Variants in COG2 observed in about 807,000 individuals in gnomAD.
The protein encoded by COG2 is conserved oligomeric Golgi complex subunit 2.
A neutral mutation model predicts 90.6 loss-of-function variants in COG2; 52 were observed. The observed-to-expected ratio is 0.57, with a 90% CI of 0.46 to 0.72. COG2 has a LOEUF of 0.72. COG2 is among the 30% of genes least tolerant of loss of function. COG2 has a pLI of 0.00. For synonymous variants in COG2, 337 were observed against 320.4 expected, an observed-to-expected ratio of 1.05 and a Z score of -0.55; for missense variants, 829 against 891.2, an observed-to-expected ratio of 0.93 and a Z score of 0.89.
intron 1 of COG2, among the ~76,000 whole-genome samples, chr1:230,653,285 A>T (rs1432496507): frequency 6.7e-6 from 1 of 149,030 alleles, no homozygotes; most frequent in Non-Finnish European, 1.5e-5. Flanking sequence ...CAGTGGCACC[A>T]TCTTGGCTCA....
chr1:230,657,507 T>C (rs1270653654), intron 1 of COG2, among the ~76,000 whole-genome samples: 1 of 152,182 alleles, frequency 6.6e-6, no homozygotes, highest in Non-Finnish European at 1.5e-5. Context: ...CATTTTTTCC[T>C]TCATTTTAGC....
intron 1 of COG2, among the ~76,000 whole-genome samples, chr1:230,650,497 GTCT>G (rs1200915796): frequency 6.6e-6 from 1 of 152,104 alleles, no homozygotes; most frequent in African/African-American, 2.4e-5. Flanking sequence ...ATGCTTGTAT[GTCT>G]TCTTTTGAGA....
intron 8 of COG2, among the ~76,000 whole-genome samples, chr1:230,673,539 G>A (rs1281192136): frequency 6.6e-6 from 1 of 152,126 alleles, no homozygotes; most frequent in African/African-American, 2.4e-5. Flanking sequence ...CTCTCTTTGG[G>A]GATTTGATTA....
In COG2 at chr1:230,669,516, T is replaced by C. The variant is rs1235650324; in HGVS notation, c.755T>C (p.Val252Ala). ...GAGGCCTTAGTTGGCCAAGTACTAGTGAAACCATACATAGACGAGGTCTGT... is the reference window on the plus strand; with the variant it reads ...GAGGCCTTAGTTGGCCAAGTACTAGCGAAACCATACATAGACGAGGTCTGT... Reference protein sequence around the residue: ...DAEALVGQVLVKPYIDEVIIE... With the variant: ...DAEALVGQVLAKPYIDEVIIE... Residue 252 changes from valine to alanine, a missense_variant, in exon 7 of 18, where the codon GTG becomes GCG. By Grantham distance (64) the Val-to-Ala change is moderately conservative. Coordinates refer to ENST00000366669, the MANE Select transcript of COG2 (RefSeq NM_007357.3). The C allele has an allele frequency of 3.7e-6, 6 of 1,613,942 alleles. No homozygotes were observed. The highest frequency in any genetic ancestry group is 4.2e-6 in the Non-Finnish European group (5 of 1,179,904).
At chr1:230,678,258 G>T in intron 9 of COG2, 1 of 985,376 alleles carries the variant, frequency 1.0e-6, no homozygotes, top group African/African-American at 1.7e-5. Flanking sequence ...TTTTGAGCAG[G>T]TTCTCTGTGA....
At chr1:230,642,807 C>A in intron 1 of COG2, 129 bp downstream of exon 1, 1 of 801,016 alleles carries the variant, frequency 1.2e-6, no homozygotes, top group East Asian at 3.0e-5. Context: ...GCCGAGACCT[C>A]GCTGCACTTC....
Sources: allele counts gnomAD v4.1 joint callset (sites outside exome capture counted in the v4.1 genomes callset), GRCh38; gene constraint gnomAD v4.1.1; transcripts MANE v1.5; gene names NCBI Gene and HGNC (gene_info 2026-07-23, HGNC 2026-07-21).